Variants in PLCB1 observed in about 807,000 individuals in gnomAD.
The protein encoded by PLCB1 is 1-phosphatidylinositol 4,5-bisphosphate phosphodiesterase beta-1.
A neutral mutation model predicts 161.8 loss-of-function variants in PLCB1; 46 were observed. The ratio of observed to expected loss-of-function variants is 0.28; its 90% confidence interval spans 0.22 to 0.36. The LOEUF (loss-of-function observed/expected upper bound fraction) is 0.36, where lower values mean the gene tolerates loss of function less well. Ranked by LOEUF, PLCB1 falls within the 10% of genes least tolerant of loss-of-function variation. The probability of loss-of-function intolerance (pLI) is 1.00; values close to 1 mark genes in which losing one functional copy is unlikely to be tolerated. For missense variants in PLCB1, 1,016 were observed against 1,472.5 expected, an observed-to-expected ratio of 0.69 and a Z score of 5.07; for synonymous variants, 517 against 503.7, an observed-to-expected ratio of 1.03 and a Z score of -0.35.
Position 8,433,568 on chromosome 20 carries a change from T to C in PLCB1, c.246+62118T>C, listed in dbSNP as rs1196791293. ...TCCCTAATCTCCCATGCCTGTTTTC[T>C]GGGTTGTAAATGCAAGTAATAAAAG... is the stretch of plus-strand genomic sequence containing the variant. On this transcript the variant is annotated intron_variant, in intron 3 of 31. Coordinates refer to ENST00000338037, the MANE Select transcript of PLCB1 (RefSeq NM_015192.4). Among the ~76,000 whole-genome samples the C allele has an allele frequency of 2.7e-5, 4 of 147,292 alleles. 1 individual carries two copies. Among genetic ancestry groups the C allele is most frequent in the African/African-American group, 1.0e-4 (4 of 38,966 alleles).
At chr20:8,451,594 C>A (rs1010876998) in intron 3 of PLCB1, among the ~76,000 whole-genome samples, 2 of 152,138 alleles carry the variant, frequency 1.3e-5, no homozygotes, top group Non-Finnish European at 2.9e-5. Flanking sequence ...AAGTGACCCA[C>A]CCACCTCGGC....
chr20:8,669,186 A>G (rs537973072), intron 9 of PLCB1, among the ~76,000 whole-genome samples: 3 of 152,228 alleles, frequency 2.0e-5, no homozygotes, highest in Admixed American at 2.0e-4. Context: ...ATATACTTCC[A>G]TTCATTCATC....
chr20:8,447,919 A>C (rs1293832103), intron 3 of PLCB1, among the ~76,000 whole-genome samples: 1 of 152,212 alleles, frequency 6.6e-6, no homozygotes, highest in Non-Finnish European at 1.5e-5. Context: ...AATATCAGGA[A>C]AATGGCTGCC....
chr20:8,552,018 A>C (rs937792977), intron 3 of PLCB1, among the ~76,000 whole-genome samples: 2 of 152,198 alleles, frequency 1.3e-5, no homozygotes, highest in Admixed American at 1.3e-4. Context: ...ATGTGTTACT[A>C]GTTGTTAAAA....
intron 31 of PLCB1, among the ~76,000 whole-genome samples, chr20:8,863,207 T>C (rs1430291349): frequency 6.6e-6 from 1 of 152,160 alleles, no homozygotes; most frequent in Non-Finnish European, 1.5e-5. Flanking sequence ...TAGCTTCAAA[T>C]TGGATGAGAA....
At chr20:8,861,566 C>A (rs1405082422) in intron 31 of PLCB1, among the ~76,000 whole-genome samples, 1 of 152,012 alleles carries the variant, frequency 6.6e-6, no homozygotes, top group African/African-American at 2.4e-5. Flanking sequence ...CCCGTCTCTA[C>A]TAAAAATACA....
At chr20:8,841,394 G>A (rs780398673) in intron 31 of PLCB1, among the ~76,000 whole-genome samples, 18 of 152,122 alleles carry the variant, frequency 1.2e-4, no homozygotes, top group African/African-American at 2.9e-4. Flanking sequence ...ATGCTTTATC[G>A]TGACTGTTAT....
chr20:8,419,957 T>C (rs1019053956), intron 3 of PLCB1, among the ~76,000 whole-genome samples: 1 of 152,204 alleles, frequency 6.6e-6, no homozygotes, highest in Non-Finnish European at 1.5e-5. Flanking sequence ...CAGCAGCAGT[T>C]TGTATCTGAA....
intron 31 of PLCB1, among the ~76,000 whole-genome samples, chr20:8,796,227 C>T (rs923784073): frequency 2.6e-5 from 4 of 151,800 alleles, no homozygotes; most frequent in Non-Finnish European, 4.4e-5. Context: ...TTTTTTTTCC[C>T]TCCACCAAGG....
chr20:8,534,701 A>G (rs1252706170), intron 3 of PLCB1, among the ~76,000 whole-genome samples: 1 of 152,162 alleles, frequency 6.6e-6, no homozygotes, highest in African/African-American at 2.4e-5. Flanking sequence ...TCTTTATTCT[A>G]TTCCTGATAC....
At chr20:8,694,647 T>G (rs1386412106) in intron 10 of PLCB1, among the ~76,000 whole-genome samples, 1 of 152,250 alleles carries the variant, frequency 6.6e-6, no homozygotes, top group Admixed American at 6.5e-5. Flanking sequence ...TTTATCTACT[T>G]TGATACACTG....
intron 1 of PLCB1, among the ~76,000 whole-genome samples, chr20:8,135,158 G>A (rs752976198): frequency 5.3e-5 from 8 of 152,162 alleles, no homozygotes; most frequent in Non-Finnish European, 8.8e-5. Context: ...TGAATCAAAG[G>A]CCTGAGTTTA....
At chr20:8,340,248 C>T (rs1001358546) in intron 2 of PLCB1, among the ~76,000 whole-genome samples, 1 of 152,200 alleles carries the variant, frequency 6.6e-6, no homozygotes, top group African/African-American at 2.4e-5. Context: ...ATGAAACAAG[C>T]ACCATTTATA....
At position 8,137,091 on chromosome 20, in the gene PLCB1, A is replaced by G. The variant is rs2123003313; in HGVS notation, c.99+4341A>G. On this transcript the variant is annotated intron_variant, in intron 1 of 31. Coordinates refer to ENST00000338037, the MANE Select transcript of PLCB1 (RefSeq NM_015192.4). The stretch of plus-strand genomic sequence containing the variant: ...CGTTAATGCCATCTGGATTTGAATC[A>G]AGTAACTCCCTCCTTTACCACACCT... Among the ~76,000 whole-genome samples the G allele has an allele frequency of 2.6e-5, 4 of 152,330 alleles. No homozygotes were observed. In the Middle Eastern group the frequency reaches 0.01, roughly 389 times the overall value.
chr20:8,294,677 T>G (rs1024116143), intron 2 of PLCB1, among the ~76,000 whole-genome samples: 18 of 150,410 alleles, frequency 1.2e-4, no homozygotes, highest in African/African-American at 3.9e-4. Context: ...AAGTGCTTGT[T>G]CTCTGCTAGT....
chr20:8,584,827 AC>A (rs1307936767), intron 3 of PLCB1, among the ~76,000 whole-genome samples: 1 of 151,992 alleles, frequency 6.6e-6, no homozygotes, highest in Non-Finnish European at 1.5e-5. Flanking sequence ...AGTAGCTGGG[AC>A]TATAGGCGCC....
chr20:8,244,945 T>C (rs975566655), intron 2 of PLCB1, among the ~76,000 whole-genome samples: 1 of 151,052 alleles, frequency 6.6e-6, no homozygotes, highest in Non-Finnish European at 1.5e-5. Context: ...ATTGTGAAAA[T>C]AGTAAAATAG....
chr20:8,455,324 A>G (rs960646107), intron 3 of PLCB1, among the ~76,000 whole-genome samples: 10 of 125,282 alleles, frequency 8.0e-5, no homozygotes, highest in African/African-American at 2.6e-4. Flanking sequence ...GAGAAACTCC[A>G]TCACAAAAAA....
chr20:8,401,452 G>T (rs983162169), intron 3 of PLCB1, among the ~76,000 whole-genome samples: 1 of 152,076 alleles, frequency 6.6e-6, no homozygotes, highest in Non-Finnish European at 1.5e-5. Flanking sequence ...GTGTTTTTAT[G>T]ATTTTAATTT....
Sources: allele counts gnomAD v4.1 joint callset (sites outside exome capture counted in the v4.1 genomes callset), GRCh38; gene constraint gnomAD v4.1.1; transcripts MANE v1.5; gene names NCBI Gene and HGNC (gene_info 2026-07-23, HGNC 2026-07-21).